AK4: variants seen among roughly 807,000 people sequenced by gnomAD.
AK4 encodes the protein adenylate kinase 4.
AK4 carries 13 observed loss-of-function variants against 24.6 expected under a neutral mutation model. The ratio of observed to expected loss-of-function variants is 0.53; its 90% confidence interval spans 0.34 to 0.84. AK4 has a LOEUF of 0.84. Ranked by LOEUF, AK4 falls within the 40% of genes least tolerant of loss-of-function variation. The pLI is 0.01. For missense variants in AK4, 192 were observed against 288.2 expected (o/e 0.67, Z 2.42); for synonymous variants, 88 against 107.0 (o/e 0.82, Z 1.10).
intron 2 of AK4, 34 bp downstream of exon 2, chr1:65,190,863 G>C: frequency 1.2e-6 from 2 of 1,610,212 alleles, no homozygotes; most frequent in Non-Finnish European, 1.7e-6. Context: ...CGAATTTCTG[G>C]GAATAGTCAG....
At position 65,148,349 on chromosome 1, in the gene AK4, C is replaced by T. The variant is rs1649635348; in HGVS notation, c.-59C>T. 1.3e-6 allele frequency: 2 copies of T among 1,504,052 alleles called. No individual in the cohort carries two copies. Among genetic ancestry groups the T allele is most frequent in the South Asian group, 1.3e-5 (1 of 77,076 alleles). 93.2% of individuals were successfully genotyped at this position (1,504,052 alleles called of 1,614,324 possible). Reference sequence around the variant, plus strand: ...GGGCCGAGAAACAAAGTTCCCGGGGCTTCCTCCGGGGCCGCGGTCGGGGCT... The same window carrying T: ...GGGCCGAGAAACAAAGTTCCCGGGGTTTCCTCCGGGGCCGCGGTCGGGGCT... On this transcript the variant is annotated 5_prime_UTR_variant, in exon 1 of 5. Coordinates refer to ENST00000327299, the MANE Select transcript of AK4 (RefSeq NM_013410.4).
At chr1:65,164,323 C>T (rs1650260776) in intron 1 of AK4, among the ~76,000 whole-genome samples, 1 of 152,042 alleles carries the variant, frequency 6.6e-6, no homozygotes. Context: ...TCATAATTTC[C>T]TCAGTTATAA....
chr1:65,222,226 T>C (rs1652320151), intron 3 of AK4, among the ~76,000 whole-genome samples: 1 of 152,170 alleles, frequency 6.6e-6, no homozygotes, highest in Admixed American at 6.5e-5. Context: ...CTGTCCTGCT[T>C]CTGATAGTAC....
intron 2 of AK4, among the ~76,000 whole-genome samples, chr1:65,207,576 C>CT (rs1651850346): frequency 7.0e-6 from 1 of 143,784 alleles, no homozygotes; most frequent in Non-Finnish European, 1.5e-5. Flanking sequence ...TTTCCTTCTA[C>CT]TTTCATTTTA....
At chr1:65,162,392 G>A (rs1650196912) in intron 1 of AK4, among the ~76,000 whole-genome samples, 1 of 152,174 alleles carries the variant, frequency 6.6e-6, no homozygotes, top group Non-Finnish European at 1.5e-5. Context: ...AGGCTGGAAA[G>A]GTAGGTATAG....
chr1:65,179,008 G>A (rs1650813914), intron 1 of AK4, among the ~76,000 whole-genome samples: 1 of 152,208 alleles, frequency 6.6e-6, no homozygotes, highest in South Asian at 2.1e-4. Context: ...TTTTTGGAAG[G>A]TCTATCTTGG....
At position 65,224,753 on chromosome 1, in the gene AK4, G is replaced by T; in HGVS notation, c.440G>T (p.Gly147Val). The T allele has an allele frequency of 1.2e-6, 2 of 1,610,916 alleles. No individual in the cohort carries two copies. Among genetic ancestry groups the T allele is most frequent in the Non-Finnish European group, 8.5e-7 (1 of 1,178,336 alleles). The change falls in exon 4 of 5, where the codon GGT (glycine) becomes GTT (valine). Residue 147 changes from glycine (G) to valine (V), a missense_variant and splice_region_variant. Transcript: ENST00000327299. ...NLDFNPPHVHGIDDVTGEPLV... is the reference protein window; with the variant it reads ...NLDFNPPHVHVIDDVTGEPLV... ...AATTGGTTTATTTGGTATTTGTAGGGTATTGATGACGTCACTGGTGAACCG... is the reference window on the plus strand; with the variant it reads ...AATTGGTTTATTTGGTATTTGTAGGTTATTGATGACGTCACTGGTGAACCG...
At chr1:65,148,998 G>C (rs1452992559) in intron 1 of AK4, 2 of 152,354 alleles carry the variant, frequency 1.3e-5, no homozygotes, top group Non-Finnish European at 2.9e-5. Flanking sequence ...TGTGGCAGTC[G>C]GGCGGGGCCG....
chr1:65,226,227 T>C lies in AK4; in HGVS notation c.*50T>C, dbSNP rs772388249. 1 of 1,434,280 alleles carries C rather than the reference T, an allele frequency of 7.0e-7. No individual in the cohort carries two copies. The highest frequency in any genetic ancestry group is 1.4e-5 in the African/African-American group (1 of 70,770). The allele number at this position is 1,434,280 out of a possible 1,614,324, so 88.8% of individuals were successfully genotyped here. ...AGATGTGGTCATTCATTCAATAGTG[T>C]GTGTAGTATTGGTGCTGTGTCCAAA... is the stretch of plus-strand genomic sequence containing the variant. On this transcript the variant is annotated 3_prime_UTR_variant, in exon 5 of 5. Transcript: ENST00000327299.
chr1:65,231,861 C>T lies in AK4; in HGVS notation c.*5684C>T, dbSNP rs1200476087. On this transcript the variant is annotated 3_prime_UTR_variant, in exon 5 of 5. Transcript: ENST00000327299. The stretch of plus-strand genomic sequence containing the variant: ...TCTCAAGCTCAGATCAGTTCTATAA[C>T]CCAATGACAACCTGTCTCTTTGGTT... The T allele has an allele frequency of 2.0e-5, 3 of 152,182 alleles. No homozygotes were observed. The highest frequency in any genetic ancestry group is 7.2e-5 in the African/African-American group (3 of 41,448). 9.4% of individuals were successfully genotyped at this position (152,182 alleles called of 1,614,324 possible). A position where few individuals can be genotyped will look rare whatever the true frequency, so the allele number is the denominator to read the frequency against.
At chr1:65,172,838 A>G (rs1650583140) in intron 1 of AK4, among the ~76,000 whole-genome samples, 4 of 145,276 alleles carry the variant, frequency 2.8e-5, no homozygotes, top group Admixed American at 2.1e-4. Flanking sequence ...CTTCTGGGCC[A>G]TCTTGGCCAG....
At chr1:65,185,765 C>G (rs1651076587) in intron 1 of AK4, among the ~76,000 whole-genome samples, 1 of 151,954 alleles carries the variant, frequency 6.6e-6, no homozygotes, top group African/African-American at 2.4e-5. Flanking sequence ...TAGGCACATG[C>G]CACCACACCC....
chr1:65,212,736 C>A (rs11208609), intron 2 of AK4, among the ~76,000 whole-genome samples: 1 of 151,878 alleles, frequency 6.6e-6, no homozygotes, highest in Admixed American at 6.6e-5. Flanking sequence ...TTTTTATATG[C>A]CTGATACAGC....
At position 65,229,910 on chromosome 1, in the gene AK4, A is replaced by G. The variant is rs1328324515; in HGVS notation, c.*3733A>G. Reference sequence around the variant, plus strand: ...AATCACCCCCTTACTCCCACTCCAAACAAGGCCTTGATGATAAACTAATCC... The same window carrying G: ...AATCACCCCCTTACTCCCACTCCAAGCAAGGCCTTGATGATAAACTAATCC... On this transcript the variant is annotated 3_prime_UTR_variant, in exon 5 of 5. Transcript: ENST00000327299. 6.6e-6 allele frequency: 1 copy of G among 152,214 alleles called. No homozygotes were observed. The highest frequency in any genetic ancestry group is 6.5e-5 in the Admixed American group (1 of 15,274). The allele number at this position is 152,214 out of a possible 1,614,324, so 9.4% of individuals were successfully genotyped here.
chr1:65,156,937 AAAAG>A (rs1287308061), intron 1 of AK4, among the ~76,000 whole-genome samples: 18 of 152,084 alleles, frequency 1.2e-4, no homozygotes, highest in African/African-American at 2.4e-4. Context: ...AAAAAAAAAA[AAAAG>A]AAAGAAAATT....
chr1:65,170,144 A>T (rs977459755), intron 1 of AK4, among the ~76,000 whole-genome samples: 1 of 152,136 alleles, frequency 6.6e-6, no homozygotes, highest in African/African-American at 2.4e-5. Flanking sequence ...TGGGAGGCGG[A>T]GGCGGGCGGA....
chr1:65,198,713 ACT>A (rs978000868), intron 2 of AK4, among the ~76,000 whole-genome samples: 2 of 150,754 alleles, frequency 1.3e-5, no homozygotes, highest in African/African-American at 2.4e-5. Context: ...ATTTTTGGAA[ACT>A]CTATCCATGC....
intron 2 of AK4, among the ~76,000 whole-genome samples, chr1:65,209,021 G>A (rs1291795261): frequency 6.6e-6 from 1 of 152,130 alleles, no homozygotes; most frequent in African/African-American, 2.4e-5. Context: ...ACAACCTGTA[G>A]ATGTCATAAT....
At chr1:65,171,840 G>A (rs956690527) in intron 1 of AK4, among the ~76,000 whole-genome samples, 1 of 151,432 alleles carries the variant, frequency 6.6e-6, no homozygotes, top group Non-Finnish European at 1.5e-5. Flanking sequence ...GGCTGAAGTG[G>A]GTGGATCACT....
Sources: gnomAD v4.1 joint callset for allele counts (sites outside exome capture counted in the v4.1 genomes callset) on GRCh38, gnomAD v4.1.1 for gene constraint, MANE v1.5 for transcripts, NCBI Gene and HGNC (gene_info 2026-07-23, HGNC 2026-07-21) for gene names.